LDB2: variants seen among roughly 807,000 people sequenced by gnomAD.
LDB2 encodes LIM domain-binding protein 2.
Under a neutral mutation model 44.3 loss-of-function variants are expected in LDB2, and 12 were observed. That is an observed-to-expected ratio of 0.27 (90% CI 0.17 to 0.44). The LOEUF (loss-of-function observed/expected upper bound fraction) is 0.44. Among genes scored for constraint, LDB2 ranks in the 20% least tolerant of loss-of-function variants. The pLI is 1.00. For synonymous variants in LDB2, 164 were observed against 174.8 expected (o/e 0.94, Z 0.49); for missense variants, 344 against 473.5 (o/e 0.73, Z 2.54).
At chr4:16,563,967 T>C (rs2152385715) in intron 5 of LDB2, among the ~76,000 whole-genome samples, 1 of 152,260 alleles carries the variant, frequency 6.6e-6, no homozygotes, top group East Asian at 1.9e-4. Flanking sequence ...ATAGAATAAA[T>C]ACTCAATTAC....
At chr4:16,881,133 C>T (rs2110432283) in intron 1 of LDB2, among the ~76,000 whole-genome samples, 1 of 152,182 alleles carries the variant, frequency 6.6e-6, no homozygotes, top group East Asian at 1.9e-4. Flanking sequence ...TCAAGACCTT[C>T]TGTAACCTAC....
At chr4:16,818,762 T>C (rs1781408414) in intron 1 of LDB2, among the ~76,000 whole-genome samples, 1 of 152,200 alleles carries the variant, frequency 6.6e-6, no homozygotes, top group African/African-American at 2.4e-5. Flanking sequence ...ATATATTTTT[T>C]CTCTTTGACT....
chr4:16,612,567 G>A (rs535891588), intron 2 of LDB2, among the ~76,000 whole-genome samples: 78 of 152,252 alleles, frequency 5.1e-4, no homozygotes, highest in African/African-American at 1.8e-3. Context: ...ACTACCATCA[G>A]AGAATACTAC....
At chr4:16,739,420 T>C (rs1345210060) in intron 2 of LDB2, among the ~76,000 whole-genome samples, 4 of 149,336 alleles carry the variant, frequency 2.7e-5, no homozygotes, top group Non-Finnish European at 1.5e-5. Context: ...ATCCCATCTC[T>C]ACTAAAAATA....
intron 1 of LDB2, among the ~76,000 whole-genome samples, chr4:16,786,472 A>G (rs1774437984): frequency 1.3e-5 from 2 of 152,318 alleles, no homozygotes; most frequent in Admixed American, 1.3e-4. Context: ...CTCCCAGTAC[A>G]TCTTTACTAA....
intron 7 of LDB2, among the ~76,000 whole-genome samples, chr4:16,507,742 C>G (rs1334472855): frequency 6.6e-6 from 1 of 151,866 alleles, no homozygotes; most frequent in African/African-American, 2.4e-5. Context: ...TTTAAAGGAG[C>G]AAAGTACTTA....
intron 1 of LDB2, among the ~76,000 whole-genome samples, chr4:16,836,265 T>G (rs1351797490): frequency 1.3e-5 from 2 of 152,242 alleles, no homozygotes; most frequent in African/African-American, 4.8e-5. Flanking sequence ...TCTCAAATTA[T>G]TGAGCTTGTG....
At chr4:16,839,172 A>G (rs1017427765) in intron 1 of LDB2, among the ~76,000 whole-genome samples, 4 of 150,650 alleles carry the variant, frequency 2.7e-5, no homozygotes, top group African/African-American at 9.8e-5. Context: ...TAGTGCTGCT[A>G]TAAAAGAATA....
intron 2 of LDB2, among the ~76,000 whole-genome samples, chr4:16,730,457 G>A (rs2108913174): frequency 6.6e-6 from 1 of 152,216 alleles, no homozygotes; most frequent in Middle Eastern, 3.4e-3. Flanking sequence ...GCATGATAAA[G>A]ACTCAAAAAC....
At chr4:16,754,058 TAGC>T (rs1237931199) in intron 2 of LDB2, among the ~76,000 whole-genome samples, 1 of 152,180 alleles carries the variant, frequency 6.6e-6, no homozygotes, top group Admixed American at 6.5e-5. Flanking sequence ...TGAAACAAGG[TAGC>T]GTTTTAGTAG....
intron 1 of LDB2, 34 bp from the exon 2 acceptor site, chr4:16,759,294 A>G (rs562640025): frequency 1.3e-5 from 18 of 1,419,752 alleles, no homozygotes; most frequent in East Asian, 2.3e-5. Flanking sequence ...TTAACAAGGG[A>G]AAGTGGGAAA....
intron 2 of LDB2, among the ~76,000 whole-genome samples, chr4:16,753,926 A>C (rs1765968275): frequency 6.6e-6 from 1 of 152,224 alleles, no homozygotes. Context: ...GCATTTTCAA[A>C]GGGATGAAAG....
intron 7 of LDB2, 61 bp from the exon 8 acceptor site, chr4:16,502,934 A>ATAAC: frequency 6.2e-7 from 1 of 1,606,366 alleles, no homozygotes; most frequent in South Asian, 1.1e-5. Context: ...TCAGCTTAAA[A>ATAAC]TAACAGTGGG....
In LDB2 at chr4:16,673,122, G is replaced by C. The variant is rs10084810; in HGVS notation, c.236-77247C>G. ...CCAATGGGATTGTAATTCTGAAAGA[G>C]AGTAGTAATTATTGTGCTTTTTCTT... On this transcript the variant is annotated intron_variant, in intron 2 of 7. Transcript: ENST00000304523. Among the ~76,000 whole-genome samples, 471 of 152,194 alleles carry C rather than the reference G, an allele frequency of 3.1e-3. 2 individuals are homozygous for C. The highest frequency in any genetic ancestry group is 0.011 in the African/African-American group (448 of 41,488).
At chr4:16,534,521 G>C (rs914880202) in intron 5 of LDB2, among the ~76,000 whole-genome samples, 1 of 152,080 alleles carries the variant, frequency 6.6e-6, no homozygotes, top group Non-Finnish European at 1.5e-5. Context: ...TCTGAGTAAT[G>C]AAAAAATGTA....
chr4:16,557,412 G>A (rs1036041400), intron 5 of LDB2, among the ~76,000 whole-genome samples: 7 of 152,222 alleles, frequency 4.6e-5, no homozygotes, highest in East Asian at 3.9e-4. Context: ...ATTATATCCC[G>A]CACCTGGCTC....
At position 16,713,636 on chromosome 4, in the gene LDB2, T is replaced by G. The variant is rs889383286; in HGVS notation, c.235+45522A>C. Among the ~76,000 whole-genome samples the G allele has an allele frequency of 8.5e-5, 13 of 152,308 alleles. 1 individual carries two copies. In the Middle Eastern group the frequency reaches 0.01, roughly 120 times the overall value. ...TGGGATAATTATTTTCTATGTTTTA[T>G]GTAGTAGAAAACCCTAATGGGGGCA... On this transcript the variant is annotated intron_variant, in intron 2 of 7. Coordinates refer to ENST00000304523, the MANE Select transcript of LDB2 (RefSeq NM_001290.5).
chr4:16,717,588 T>C (rs1316457415), intron 2 of LDB2, among the ~76,000 whole-genome samples: 1 of 152,208 alleles, frequency 6.6e-6, no homozygotes, highest in Non-Finnish European at 1.5e-5. Context: ...ATAAAAAGTT[T>C]TCTGTATGTC....
intron 2 of LDB2, among the ~76,000 whole-genome samples, chr4:16,743,672 A>G (rs1425268708): frequency 6.6e-6 from 1 of 152,104 alleles, no homozygotes; most frequent in Non-Finnish European, 1.5e-5. Flanking sequence ...GAAGACCTCC[A>G]GGGATGAAAG....
Sources: gnomAD v4.1 joint callset for allele counts (sites outside exome capture counted in the v4.1 genomes callset) on GRCh38, gnomAD v4.1.1 for gene constraint, MANE v1.5 for transcripts, NCBI Gene and HGNC (gene_info 2026-07-23, HGNC 2026-07-21) for gene names.